The following PRIM2 variants were observed in gnomAD, a reference collection of about 807,000 sequenced individuals.
PRIM2 encodes the protein DNA primase large subunit.
In PRIM2, 39 loss-of-function variants were observed where a neutral mutation model predicts 67.3. The observed-to-expected ratio is 0.58, with a 90% CI of 0.45 to 0.76. The LOEUF is 0.76. Ranked by LOEUF, PRIM2 falls within the 30% of genes least tolerant of loss-of-function variation. The probability of loss-of-function intolerance (pLI) is 0.00; values close to 1 mark genes in which losing one functional copy is unlikely to be tolerated. For synonymous variants in PRIM2, 143 were observed against 198.7 expected, an observed-to-expected ratio of 0.72 and a Z score of 2.36; for missense variants, 398 against 598.7, an observed-to-expected ratio of 0.66 and a Z score of 3.50.
chr6:57,445,286 G>A (rs532709205), intron 7 of PRIM2, among the ~76,000 whole-genome samples: 32 of 152,172 alleles, frequency 2.1e-4, no homozygotes, highest in African/African-American at 6.7e-4. Context: ...ACCCTATCAG[G>A]GGACAGAGTT....
chr6:57,628,473 T>C (rs1776990218), intron 12 of PRIM2, among the ~76,000 whole-genome samples: 1 of 152,158 alleles, frequency 6.6e-6, no homozygotes, highest in African/African-American at 2.4e-5. Context: ...AGTATTTCAG[T>C]TTTTTCTTAA....
At position 57,463,248 on chromosome 6, in the gene PRIM2, T is replaced by C. The variant is rs1184552242; in HGVS notation, c.694-44139T>C. ...GGCTCATGCCTATAATCCTAGTGCT[T>C]TGGGAGGCCAAGGCAGGAGGATCGC... On this transcript the variant is annotated intron_variant, in intron 7 of 13. Coordinates refer to ENST00000615550, the MANE Select transcript of PRIM2 (RefSeq NM_000947.5). 2.6e-3 allele frequency among the ~76,000 whole-genome samples: 402 copies of C among 152,240 alleles called. 3 individuals are homozygous for C. The highest frequency in any genetic ancestry group is 9.1e-3 in the African/African-American group (380 of 41,546).
At chr6:57,241,156 G>A in the PRIM2 span, among the ~76,000 whole-genome samples, 26 of 151,392 alleles carry the variant, frequency 1.7e-4, no homozygotes, top group South Asian at 4.0e-3. Context: ...CCCAGGAGGC[G>A]GAGCTTGCAG....
At chr6:57,501,081 C>G (rs1554346805) in intron 7 of PRIM2, among the ~76,000 whole-genome samples, 1 of 152,154 alleles carries the variant, frequency 6.6e-6, no homozygotes, top group Admixed American at 6.5e-5. Flanking sequence ...CTTCCTACCC[C>G]ACTTGTTAAA....
At chr6:57,640,691 AAGG>A (rs1282100974) in intron 13 of PRIM2, among the ~76,000 whole-genome samples, 2 of 152,184 alleles carry the variant, frequency 1.3e-5, no homozygotes, top group African/African-American at 2.4e-5. Context: ...GGACCTCTTG[AAGG>A]AGAACTACAA....
At chr6:57,261,775 C>A in the PRIM2 span, among the ~76,000 whole-genome samples, 2 of 152,272 alleles carry the variant, frequency 1.3e-5, no homozygotes, top group East Asian at 1.9e-4. Context: ...TGCTTTGGAG[C>A]CACCTCTCTG....
intron 10 of PRIM2, among the ~76,000 whole-genome samples, chr6:57,539,034 TA>T: frequency 6.6e-6 from 1 of 152,182 alleles, no homozygotes; most frequent in Middle Eastern, 3.2e-3. Flanking sequence ...CATAGATTTT[TA>T]AAAATAACAT....
At chr6:57,461,721 G>A (rs1773008507) in intron 7 of PRIM2, among the ~76,000 whole-genome samples, 1 of 152,190 alleles carries the variant, frequency 6.6e-6, no homozygotes, top group Non-Finnish European at 1.5e-5. Flanking sequence ...AGATGCTGGT[G>A]TACTTCAAAT....
At chr6:57,570,313 T>A (rs1775838620) in intron 10 of PRIM2, among the ~76,000 whole-genome samples, 1 of 152,254 alleles carries the variant, frequency 6.6e-6, no homozygotes, top group Non-Finnish European at 1.5e-5. Flanking sequence ...TTCGTCTTTT[T>A]GGTTTGATGC....
At chr6:57,236,662 G>A in the PRIM2 span, among the ~76,000 whole-genome samples, 8 of 151,954 alleles carry the variant, frequency 5.3e-5, no homozygotes, top group Admixed American at 2.0e-4. Context: ...GAGAACATGC[G>A]GTGTTTGGTT....
intron 10 of PRIM2, among the ~76,000 whole-genome samples, chr6:57,576,697 C>T (rs1408545818): frequency 6.7e-6 from 1 of 150,018 alleles, no homozygotes; most frequent in Non-Finnish European, 1.5e-5. Context: ...GACATTTTCT[C>T]AGATATTTCT....
chr6:57,424,979 G>T (rs1362624929), intron 7 of PRIM2, among the ~76,000 whole-genome samples: 4 of 152,100 alleles, frequency 2.6e-5, no homozygotes, highest in African/African-American at 9.7e-5. Context: ...GTGTAGGATA[G>T]AGGAATACCA....
chr6:57,486,377 G>A (rs1773754161), intron 7 of PRIM2, among the ~76,000 whole-genome samples: 2 of 152,234 alleles, frequency 1.3e-5, no homozygotes, highest in African/African-American at 2.4e-5. Context: ...GCAACCTACG[G>A]CATGAATGGG....
the PRIM2 span, among the ~76,000 whole-genome samples, chr6:57,269,032 AT>A: frequency 1.3e-5 from 2 of 151,638 alleles, no homozygotes; most frequent in African/African-American, 4.8e-5. Context: ...CCAGTCTATC[AT>A]TGTTGGACAT....
chr6:57,349,078 A>G (rs898467251), intron 5 of PRIM2, among the ~76,000 whole-genome samples: 2 of 152,190 alleles, frequency 1.3e-5, no homozygotes, highest in Middle Eastern at 3.4e-3. Context: ...TGTGAACAAC[A>G]ACAGAAACCC....
At chr6:57,546,007 G>A (rs1775283567) in intron 10 of PRIM2, among the ~76,000 whole-genome samples, 1 of 152,200 alleles carries the variant, frequency 6.6e-6, no homozygotes, top group African/African-American at 2.4e-5. Context: ...TGTTGGGTAG[G>A]TAGGTGCCAA....
At chr6:57,433,322 C>T (rs563333980) in intron 7 of PRIM2, among the ~76,000 whole-genome samples, 4 of 151,934 alleles carry the variant, frequency 2.6e-5, no homozygotes. Flanking sequence ...ATGTGCCATG[C>T]TGGTGTGCTG....
chr6:57,320,459 T>A lies in PRIM2; in HGVS notation c.157T>A (p.Leu53Ile). Residue 53 changes from leucine to isoleucine, a missense_variant and splice_region_variant, in exon 3 of 14, where the codon TTA (leucine) becomes ATA (isoleucine). This residue lies in a region of PRIM2 where 96 missense variants were observed against 98.3 expected (regional missense o/e 0.98). Coordinates refer to ENST00000615550, the MANE Select transcript of PRIM2 (RefSeq NM_000947.5). ...TATACCTTTTTTCTTTTTTTTAGTG[T>A]TAAAATCAGTTGAAAATCTTGGAGT... ...ENLAIDRVKL[L>I]KSVENLGVSY... The A allele has an allele frequency of 6.3e-7, 1 of 1,593,526 alleles. No individual in the cohort carries two copies. Among genetic ancestry groups the A allele is most frequent in the South Asian group, 1.1e-5 (1 of 87,084 alleles).
At chr6:57,280,811 C>G in the PRIM2 span, among the ~76,000 whole-genome samples, 1 of 152,138 alleles carries the variant, frequency 6.6e-6, no homozygotes. Flanking sequence ...CCAGCATGTA[C>G]TATCTTTTTT....
Sources: gnomAD v4.1 joint callset for allele counts (sites outside exome capture counted in the v4.1 genomes callset) on GRCh38, gnomAD v4.1.1 for gene constraint, gnomAD v4.1.1 regional missense constraint, MANE v1.5 for transcripts, NCBI Gene and HGNC (gene_info 2026-07-23, HGNC 2026-07-21) for gene names.